Variants in TANGO6 observed in about 807,000 individuals in gnomAD.
TANGO6 encodes transport and golgi organization 6 homolog.
TANGO6 carries 90 observed loss-of-function variants against 114.2 expected under a neutral mutation model. The ratio of observed to expected loss-of-function variants is 0.79; its 90% CI spans 0.66 to 0.94. TANGO6 has a LOEUF of 0.94. Ranked by LOEUF, TANGO6 falls within the 40% of genes least tolerant of loss-of-function variation. The probability of loss-of-function intolerance (pLI) is 0.00; values close to 1 mark genes in which losing one functional copy is unlikely to be tolerated. For synonymous variants in TANGO6, 477 were observed against 509.8 expected, an observed-to-expected ratio of 0.94 and a Z score of 0.87; for missense variants, 1,274 against 1,315.3, an observed-to-expected ratio of 0.97 and a Z score of 0.49.
chr16:69,060,005 C>G (rs1960090280), intron 17 of TANGO6, among the ~76,000 whole-genome samples: 1 of 152,060 alleles, frequency 6.6e-6, no homozygotes, highest in Admixed American at 6.6e-5. Context: ...CATGGCAGCC[C>G]CAGAATAATC....
Position 68,907,430 on chromosome 16 carries a change from C to T in TANGO6, c.1668-13C>T, listed in dbSNP as rs1429842241. 6.4e-7 allele frequency: 1 copy of T among 1,563,574 alleles called. No homozygotes were observed. The highest frequency in any genetic ancestry group is 8.6e-7 in the Non-Finnish European group (1 of 1,160,052). On this transcript the variant is annotated splice_polypyrimidine_tract_variant and intron_variant, in intron 9 of 17. Transcript: ENST00000261778. ...GGTGACACTACCAAGATAAATTTTA[C>T]CCTGCATTGCAGTGATGAAGATGAA...
intron 17 of TANGO6, among the ~76,000 whole-genome samples, chr16:69,044,022 G>A (rs191408789): frequency 2.6e-4 from 40 of 152,274 alleles, no homozygotes; most frequent in African/African-American, 9.6e-4. Flanking sequence ...TGTAGCCAGA[G>A]TTTTGTGCAG....
chr16:69,006,363 G>A (rs1275345018), intron 15 of TANGO6, among the ~76,000 whole-genome samples: 1 of 152,124 alleles, frequency 6.6e-6, no homozygotes, highest in Non-Finnish European at 1.5e-5. Context: ...ATTTTTATAT[G>A]TTGCTTCTGT....
chr16:68,925,313 A>C (rs1476818559), intron 12 of TANGO6, among the ~76,000 whole-genome samples: 1 of 152,184 alleles, frequency 6.6e-6, no homozygotes, highest in African/African-American at 2.4e-5. Context: ...CTGTCTCAAA[A>C]AAAAGAAAAA....
intron 17 of TANGO6, among the ~76,000 whole-genome samples, chr16:69,083,120 C>T (rs1382464152): frequency 1.4e-5 from 2 of 140,826 alleles, no homozygotes; most frequent in Non-Finnish European, 3.0e-5. Context: ...TTTTTTTCTG[C>T]ACCGTCATGG....
chr16:68,859,747 C>T, intron 1 of TANGO6, 137 bp from the exon 2 acceptor site: 1 of 986,126 alleles, frequency 1.0e-6, no homozygotes, highest in Non-Finnish European at 1.4e-6. Flanking sequence ...GTTGGTACCC[C>T]TGGGGGAGGC....
intron 15 of TANGO6, among the ~76,000 whole-genome samples, chr16:69,021,348 C>G (rs975276108): frequency 6.6e-6 from 1 of 152,140 alleles, no homozygotes; most frequent in Admixed American, 6.6e-5. Context: ...ATGACTGATA[C>G]GCTCACCTTC....
At chr16:68,941,676 G>A (rs1963354978) in intron 14 of TANGO6, among the ~76,000 whole-genome samples, 1 of 152,146 alleles carries the variant, frequency 6.6e-6, no homozygotes, top group South Asian at 2.1e-4. Flanking sequence ...AACCTGGGAG[G>A]TGGAAGCGTC....
At position 68,919,291 on chromosome 16, in the gene TANGO6, T is replaced by C. The variant is rs771232508; in HGVS notation, c.2127+72T>C. 4.3e-4 allele frequency: 670 copies of C among 1,547,310 alleles called. 2 individuals carry two copies. The highest frequency in any genetic ancestry group is 5.4e-4 in the Non-Finnish European group (621 of 1,141,748). ...CGAAATACCAGTTGTTTTCCTTCCATATCCTTGTGAGAAATAAGAATGGAT... is the reference window on the plus strand; with the variant it reads ...CGAAATACCAGTTGTTTTCCTTCCACATCCTTGTGAGAAATAAGAATGGAT... On this transcript the variant is annotated intron_variant, in intron 12 of 17. Coordinates refer to ENST00000261778, the MANE Select transcript of TANGO6 (RefSeq NM_024562.2).
intron 7 of TANGO6, among the ~76,000 whole-genome samples, chr16:68,888,318 T>C (rs1036045020): frequency 6.6e-6 from 1 of 152,170 alleles, no homozygotes; most frequent in Non-Finnish European, 1.5e-5. Flanking sequence ...ATTAATAGTG[T>C]ATTCTTTGCC....
chr16:68,950,064 A>G (rs928589547), intron 14 of TANGO6, among the ~76,000 whole-genome samples: 2 of 152,214 alleles, frequency 1.3e-5, no homozygotes, highest in Non-Finnish European at 1.5e-5. Flanking sequence ...TATGATTCCT[A>G]TATGAATGAA....
intron 5 of TANGO6, among the ~76,000 whole-genome samples, chr16:68,876,153 A>G (rs927198210): frequency 1.3e-5 from 2 of 150,032 alleles, no homozygotes; most frequent in Non-Finnish European, 2.9e-5. Flanking sequence ...ATGATGGTAC[A>G]ATTAATGCTA....
Position 68,980,435 on chromosome 16 carries a change from A to ATATAT in TANGO6, c.2842+6268_2842+6269insATATT, listed in dbSNP as rs1317961639. Reference sequence around the variant, plus strand: ...TATATATATATATATATATATATATATTTTTTTTTTTTTTTTTGAGATAGG... The same window carrying ATATAT: ...TATATATATATATATATATATATATATATATTTTTTTTTTTTTTTTTTGAGATAGG... On this transcript the variant is annotated intron_variant, in intron 15 of 17. Coordinates refer to ENST00000261778, the MANE Select transcript of TANGO6 (RefSeq NM_024562.2). Among the ~76,000 whole-genome samples the ATATAT allele has an allele frequency of 2.6e-4, 16 of 61,776 alleles. No individual in the cohort carries two copies. In the South Asian group the frequency reaches 2.6e-3, roughly 10 times the overall value. 40.5% of individuals were successfully genotyped at this position (61,776 alleles called of 152,430 possible).
intron 7 of TANGO6, chr16:68,900,173 G>A (rs973183526): frequency 1.6e-5 from 6 of 377,078 alleles, no homozygotes; most frequent in East Asian, 4.0e-5. Context: ...GTCAGAAAGC[G>A]GGGTAGTTGA....
intron 17 of TANGO6, among the ~76,000 whole-genome samples, chr16:69,041,564 G>A (rs775817114): frequency 6.6e-6 from 1 of 152,200 alleles, no homozygotes; most frequent in Non-Finnish European, 1.5e-5. Flanking sequence ...GGACTCAGTA[G>A]TTATCCCATT....
At chr16:69,052,970 T>G (rs1355757998) in intron 17 of TANGO6, among the ~76,000 whole-genome samples, 1 of 151,914 alleles carries the variant, frequency 6.6e-6, no homozygotes. Context: ...AAGCCAGGCA[T>G]GGTGGTGCAT....
chr16:68,845,875 C>T (rs1187886123), intron 1 of TANGO6, among the ~76,000 whole-genome samples: 1 of 151,370 alleles, frequency 6.6e-6, no homozygotes, highest in Non-Finnish European at 1.5e-5. Flanking sequence ...TTTTTTGAGA[C>T]AGAGTTTCAC....
At chr16:69,044,889 C>CTTTTAAATA (rs1959827158) in intron 17 of TANGO6, among the ~76,000 whole-genome samples, 1 of 152,126 alleles carries the variant, frequency 6.6e-6, no homozygotes, top group Admixed American at 6.6e-5. Context: ...GGCGCAGTGC[C>CTTTTAAATA]TCATGCCTAT....
intron 7 of TANGO6, among the ~76,000 whole-genome samples, chr16:68,882,482 G>A (rs1172883098): frequency 6.6e-6 from 1 of 151,616 alleles, no homozygotes; most frequent in African/African-American, 2.4e-5. Context: ...GGGTGACAGA[G>A]CGAGACTCCG....
Sources: gnomAD v4.1 joint callset for allele counts (sites outside exome capture counted in the v4.1 genomes callset) on GRCh38, gnomAD v4.1.1 for gene constraint, MANE v1.5 for transcripts, NCBI Gene and HGNC (gene_info 2026-07-23, HGNC 2026-07-21) for gene names.